Variants in SLC15A1 observed in about 807,000 individuals in gnomAD.
The protein encoded by SLC15A1 is Caco-2 oligopeptide transporter.
Under a neutral mutation model 92.9 loss-of-function variants are expected in SLC15A1, and 83 were observed. The observed-to-expected ratio is 0.89, with a 90% CI of 0.75 to 1.07. The LOEUF (loss-of-function observed/expected upper bound fraction) is 1.07. SLC15A1 is among the 50% of genes least tolerant of loss of function. The pLI, the probability that SLC15A1 is intolerant of heterozygous loss-of-function variation, is 0.00. For synonymous variants in SLC15A1, 322 were observed against 318.2 expected, an observed-to-expected ratio of 1.01 and a Z score of -0.13; for missense variants, 857 against 880.1, an observed-to-expected ratio of 0.97 and a Z score of 0.33.
rs189851810 is a variant in SLC15A1, at chr13:98,726,088, G to A, written c.245+35C>T. On this transcript the variant is annotated intron_variant, in intron 4 of 22. Coordinates refer to ENST00000376503, the MANE Select transcript of SLC15A1 (RefSeq NM_005073.4). ...CTACAAAACCTACATTTACTTTTTCGCTTGTTTGTGAACAAGAAATTTCCA... is the reference window on the plus strand; with the variant it reads ...CTACAAAACCTACATTTACTTTTTCACTTGTTTGTGAACAAGAAATTTCCA... 51 of 1,605,780 alleles carry A rather than the reference G, an allele frequency of 3.2e-5. No homozygotes were observed. The Middle Eastern group carries it at 6.9e-4, about 22-fold the overall frequency.
At chr13:98,752,485 C>T in intron 1 of SLC15A1, 110 bp downstream of exon 1, 1 of 1,072,106 alleles carries the variant, frequency 9.3e-7, no homozygotes, top group Non-Finnish European at 1.2e-6. Flanking sequence ...TCGGGTCGCC[C>T]CGCTTCCCGC....
chr13:98,719,426 T>C (rs868124582), intron 7 of SLC15A1, 106 bp from the exon 8 acceptor site: 1 of 746,942 alleles, frequency 1.3e-6, no homozygotes, highest in Non-Finnish European at 2.2e-6. Flanking sequence ...TTTCACATAC[T>C]GTTCTAGACA....
In SLC15A1 at chr13:98,684,720, A is replaced by T. The variant is rs771818933; in HGVS notation, c.*4T>A. 3 of 1,613,516 alleles carry T rather than the reference A, an allele frequency of 1.9e-6. No individual in the cohort carries two copies. The highest frequency in any genetic ancestry group is 2.5e-6 in the Non-Finnish European group (3 of 1,179,574). ...CAGTCCATCCTCCACTTGCCTCCTG[A>T]CCTTCACATCTGTTTCTGTGAATTG... On this transcript the variant is annotated 3_prime_UTR_variant, in exon 23 of 23. Coordinates refer to ENST00000376503, the MANE Select transcript of SLC15A1 (RefSeq NM_005073.4).
intron 1 of SLC15A1, among the ~76,000 whole-genome samples, chr13:98,735,748 C>G (rs2139604344): frequency 6.6e-6 from 1 of 152,234 alleles, no homozygotes; most frequent in Non-Finnish European, 1.5e-5. Context: ...ACAATTGCTT[C>G]AAAGAGAATA....
In SLC15A1 at chr13:98,715,978, A is replaced by G; in HGVS notation, c.641-18T>C. 4.3e-6 allele frequency: 7 copies of G among 1,609,542 alleles called. No individual in the cohort carries two copies. Among genetic ancestry groups the G allele is most frequent in the Non-Finnish European group, 6.0e-6 (7 of 1,175,876 alleles). On this transcript the variant is annotated intron_variant, in intron 8 of 22. Coordinates refer to ENST00000376503, the MANE Select transcript of SLC15A1 (RefSeq NM_005073.4). ...AAACACAACTAGATAGGGCAGAAGA[A>G]GACATGTCAGCAAAGCATGTGACCG...
intron 1 of SLC15A1, among the ~76,000 whole-genome samples, chr13:98,738,134 T>A (rs1302802096): frequency 6.6e-6 from 1 of 152,212 alleles, no homozygotes; most frequent in Non-Finnish European, 1.5e-5. Context: ...ACCTGGCTGC[T>A]TCTAACAACC....
At position 98,716,973 on chromosome 13, in the gene SLC15A1, C is replaced by T. The variant is rs1270611098; in HGVS notation, c.641-1013G>A. Among the ~76,000 whole-genome samples, 3 of 152,132 alleles carry T rather than the reference C, an allele frequency of 2.0e-5. No individual in the cohort carries two copies. The East Asian group carries it at 5.8e-4, about 29-fold the overall frequency. On this transcript the variant is annotated intron_variant, in intron 8 of 22. Coordinates refer to ENST00000376503, the MANE Select transcript of SLC15A1 (RefSeq NM_005073.4). ...GCCAAGGCAGGAGGATCACTTGAGA[C>T]CAGTAGTTCAAGAGCAGCCTGGGCA...
chr13:98,744,964 T>C (rs1394185401), intron 1 of SLC15A1, among the ~76,000 whole-genome samples: 1 of 152,192 alleles, frequency 6.6e-6, no homozygotes, highest in African/African-American at 2.4e-5. Flanking sequence ...TTTTCAGTCT[T>C]CTAATTTTAG....
At position 98,721,802 on chromosome 13, in the gene SLC15A1, A is replaced by C; in HGVS notation, c.465+2T>G. On this transcript the variant is annotated splice_donor_variant, in intron 6 of 22. Coordinates refer to ENST00000376503, the MANE Select transcript of SLC15A1 (RefSeq NM_005073.4). LOFTEE classifies it high-confidence loss of function. ...GGGCTCTGGGGAGGCCCCTACCCTT[A>C]CCTGGCCCTCTTCAAACTGATCTCC... 6.2e-7 allele frequency: 1 copy of C among 1,613,800 alleles called. No homozygotes were observed. Among genetic ancestry groups the C allele is most frequent in the South Asian group, 1.1e-5 (1 of 91,022 alleles).
intron 1 of SLC15A1, among the ~76,000 whole-genome samples, chr13:98,727,393 G>C (rs1285713156): frequency 1.3e-5 from 2 of 152,130 alleles, no homozygotes; most frequent in Non-Finnish European, 2.9e-5. Flanking sequence ...ATACTGTAAT[G>C]ATGGGCAGTT....
intron 1 of SLC15A1, among the ~76,000 whole-genome samples, chr13:98,734,794 T>C (rs899059853): frequency 1.3e-4 from 20 of 152,156 alleles, no homozygotes; most frequent in African/African-American, 4.1e-4. Context: ...CAGGAAGACA[T>C]TGAATCCCTG....
Position 98,748,860 on chromosome 13 carries a change from T to G in SLC15A1, c.4+3735A>C, listed in dbSNP as rs558891707. On this transcript the variant is annotated intron_variant, in intron 1 of 22. Transcript: ENST00000376503. ...AGCATCACACCACGTGGGAACGTGG[T>G]CAAATGTCAGTGCATGAGCTCTACC... is the stretch of plus-strand genomic sequence containing the variant. 1.4e-3 allele frequency among the ~76,000 whole-genome samples: 217 copies of G among 152,194 alleles called. 1 individual carries two copies. Among genetic ancestry groups the G allele is most frequent in the African/African-American group, 5.1e-3 (210 of 41,522 alleles).
At chr13:98,705,514 C>T (rs1027904571) in intron 16 of SLC15A1, among the ~76,000 whole-genome samples, 3 of 152,174 alleles carry the variant, frequency 2.0e-5, no homozygotes, top group Admixed American at 2.0e-4. Context: ...CAGTTTAGAT[C>T]CTTGATCTGG....
chr13:98,687,581 C>T lies in SLC15A1; in HGVS notation c.1827G>A (p.Gln609=). The change falls in exon 21 of 23, where the codon CAG becomes CAA. Residue 609 remains glutamine, a splice_region_variant and synonymous_variant. Transcript: ENST00000376503. ...GTGGTAAATACAACAAACAAGAAAC[C>T]TGAGAATATGAGAATTCCAATCCCG... The part of the protein sequence containing the change: ...SVTGLEFSYS[Q]APSNMKSVLQ... The T allele has an allele frequency of 1.9e-6, 3 of 1,613,818 alleles. No homozygotes were observed. Among genetic ancestry groups the T allele is most frequent in the Non-Finnish European group, 2.5e-6 (3 of 1,179,916 alleles).
chr13:98,750,790 C>T (rs563844304), intron 1 of SLC15A1, among the ~76,000 whole-genome samples: 12 of 149,926 alleles, frequency 8.0e-5, no homozygotes, highest in Non-Finnish European at 1.6e-4. Context: ...CTTACTCTGT[C>T]GCGGAGGCTG....
At chr13:98,689,502 G>A (rs1441665846) in intron 18 of SLC15A1, among the ~76,000 whole-genome samples, 5 of 152,190 alleles carry the variant, frequency 3.3e-5, no homozygotes, top group Non-Finnish European at 7.4e-5. Flanking sequence ...CTAGAGTGCA[G>A]TGATACAATC....
At chr13:98,727,454 T>C (rs2088311749) in intron 1 of SLC15A1, among the ~76,000 whole-genome samples, 2 of 151,920 alleles carry the variant, frequency 1.3e-5, no homozygotes, top group Admixed American at 6.6e-5. Context: ...AAGAATCATG[T>C]GCCATCCATC....
intron 5 of SLC15A1, among the ~76,000 whole-genome samples, chr13:98,722,253 T>C (rs2088266685): frequency 6.6e-6 from 1 of 152,210 alleles, no homozygotes; most frequent in African/African-American, 2.4e-5. Context: ...TTGTGCCTGG[T>C]ACAGTCATAA....
chr13:98,704,550 T>A, intron 16 of SLC15A1, 115 bp from the exon 17 acceptor site: 1 of 1,120,474 alleles, frequency 8.9e-7, no homozygotes, highest in Non-Finnish European at 1.3e-6. Context: ...TGTTCATAGA[T>A]ACCAAAAAAA....
Sources: gnomAD v4.1 joint callset for allele counts (sites outside exome capture counted in the v4.1 genomes callset) on GRCh38, gnomAD v4.1.1 for gene constraint, MANE v1.5 for transcripts, NCBI Gene and HGNC (gene_info 2026-07-23, HGNC 2026-07-21) for gene names.